PREX1: variants seen among roughly 807,000 people sequenced by gnomAD.
PREX1 encodes the protein phosphatidylinositol 3,4,5-trisphosphate-dependent Rac exchanger 1 protein.
A neutral mutation model predicts 198.3 loss-of-function variants in PREX1; 41 were observed. That is an observed-to-expected ratio of 0.21 (90% CI 0.16 to 0.27). The LOEUF (loss-of-function observed/expected upper bound fraction) is 0.27. Ranked by LOEUF, PREX1 falls within the 10% of genes least tolerant of loss-of-function variation. PREX1 has a pLI of 1.00. For synonymous variants in PREX1, 843 were observed against 887.2 expected (o/e 0.95, Z 0.89); for missense variants, 1,620 against 2,200.7 (o/e 0.74, Z 5.28).
At chr20:48,743,879 G>A (rs1601108992) in intron 3 of PREX1, among the ~76,000 whole-genome samples, 1 of 152,150 alleles carries the variant, frequency 6.6e-6, no homozygotes, top group Admixed American at 6.5e-5. Flanking sequence ...TAGTCTGCAC[G>A]CCTGATCGCA....
At chr20:48,644,145 T>C (rs1278847035) in intron 27 of PREX1, among the ~76,000 whole-genome samples, 1 of 152,194 alleles carries the variant, frequency 6.6e-6, no homozygotes, top group Non-Finnish European at 1.5e-5. Flanking sequence ...ATTTGCTCCA[T>C]CTCCATGACA....
At chr20:48,650,851 T>G in intron 23 of PREX1, 43 bp downstream of exon 23, 1 of 1,605,962 alleles carries the variant, frequency 6.2e-7, no homozygotes, top group Non-Finnish European at 8.5e-7. Flanking sequence ...AGATGCTATG[T>G]CTGGGACCTG....
intron 1 of PREX1, among the ~76,000 whole-genome samples, chr20:48,814,954 T>A (rs2090453327): frequency 6.6e-6 from 1 of 151,238 alleles, no homozygotes. Context: ...ACGAAAAAAA[T>A]GGAAAACAGT....
chr20:48,803,899 C>CT, intron 1 of PREX1, among the ~76,000 whole-genome samples: 1 of 152,274 alleles, frequency 6.6e-6, no homozygotes, highest in East Asian at 1.9e-4. Flanking sequence ...CCCAGAAAGT[C>CT]TTTTTTTGTT....
At chr20:48,777,628 T>A (rs995757700) in intron 1 of PREX1, among the ~76,000 whole-genome samples, 4 of 152,170 alleles carry the variant, frequency 2.6e-5, no homozygotes, top group African/African-American at 9.7e-5. Flanking sequence ...CATAATGGAC[T>A]CTGATATAAA....
chr20:48,746,689 G>A (rs1242611298), intron 2 of PREX1, among the ~76,000 whole-genome samples: 5 of 152,014 alleles, frequency 3.3e-5, no homozygotes, highest in South Asian at 2.1e-4. Context: ...TGGTGCATTC[G>A]TACGTAGACA....
At chr20:48,852,073 A>G in the PREX1 span, among the ~76,000 whole-genome samples, 1 of 151,940 alleles carries the variant, frequency 6.6e-6, no homozygotes, top group Non-Finnish European at 1.5e-5. Context: ...TTAGATGTCA[A>G]TGGAAACCTA....
intron 10 of PREX1, among the ~76,000 whole-genome samples, chr20:48,686,250 C>T (rs574436721): frequency 6.6e-5 from 10 of 152,058 alleles, no homozygotes; most frequent in Non-Finnish European, 7.4e-5. Flanking sequence ...GGACCAGGGA[C>T]GCATCTTGGA....
At chr20:48,715,597 C>T (rs971006098) in intron 5 of PREX1, among the ~76,000 whole-genome samples, 1 of 152,172 alleles carries the variant, frequency 6.6e-6, no homozygotes, top group East Asian at 1.9e-4. Context: ...GGCTAAGACT[C>T]ACCCCCTAAG....
At chr20:48,635,979 T>C (rs2089359755) in intron 32 of PREX1, among the ~76,000 whole-genome samples, 1 of 152,076 alleles carries the variant, frequency 6.6e-6, no homozygotes, top group Non-Finnish European at 1.5e-5. Flanking sequence ...CAGAGGGCGC[T>C]CCAAGGCCAG....
At chr20:48,799,788 C>A (rs6019426) in intron 1 of PREX1, among the ~76,000 whole-genome samples, 2,602 of 152,270 alleles carry the variant, frequency 0.017, 70 homozygotes, top group African/African-American at 0.059. Flanking sequence ...AGAAAGTACC[C>A]GTGTTCTCCT....
the PREX1 span, among the ~76,000 whole-genome samples, chr20:48,835,341 G>A: frequency 6.6e-6 from 1 of 152,210 alleles, no homozygotes; most frequent in Non-Finnish European, 1.5e-5. Context: ...AGTGAATAAA[G>A]CAAAACTCTG....
chr20:48,808,903 C>T (rs1568871908), intron 1 of PREX1, among the ~76,000 whole-genome samples: 1 of 152,172 alleles, frequency 6.6e-6, no homozygotes, highest in Non-Finnish European at 1.5e-5. Context: ...GATGTTACAC[C>T]CCTAGAAGGG....
At chr20:48,836,471 A>G in the PREX1 span, among the ~76,000 whole-genome samples, 2 of 152,188 alleles carry the variant, frequency 1.3e-5, no homozygotes, top group Non-Finnish European at 2.9e-5. Flanking sequence ...CTTTAAGACT[A>G]GACATAGCAA....
intron 1 of PREX1, among the ~76,000 whole-genome samples, chr20:48,756,453 G>A (rs2090156241): frequency 6.7e-6 from 1 of 148,284 alleles, no homozygotes; most frequent in East Asian, 2.0e-4. Context: ...ACTCTGAGAG[G>A]ACTGGGAAGA....
chr20:48,776,492 AT>A (rs1311415102), intron 1 of PREX1, among the ~76,000 whole-genome samples: 1 of 152,244 alleles, frequency 6.6e-6, no homozygotes, highest in Non-Finnish European at 1.5e-5. Flanking sequence ...GAAGCCAGGC[AT>A]CACTTCAGAG....
rs1489171698 is a variant in PREX1 at position 48,651,044 on chromosome 20, G to A, written c.2667C>T (p.Ala889=). The A allele has an allele frequency of 2.5e-6, 4 of 1,614,034 alleles. No individual in the cohort carries two copies. The highest frequency in any genetic ancestry group is 2.2e-5 in the East Asian group (1 of 44,886). ...CGAAGACGCTGTCATTGGCAGCAAA[G>A]GCCTCGAGGATCTGCAGAAATGTCA... ...CFGLTAKILE[A]FAANDSVFVE... Residue 889 remains alanine, a synonymous_variant, in exon 23 of 40, where the codon GCC becomes GCT. Transcript: ENST00000371941.
chr20:48,704,572 TTTTTTTGATGGAGTCTAGCTC>T lies in PREX1; in HGVS notation c.783+3667_783+3687del, dbSNP rs1383365303. On this transcript the variant is annotated intron_variant, in intron 6 of 39. Coordinates refer to ENST00000371941, the MANE Select transcript of PREX1 (RefSeq NM_020820.4). ...TCCTTCCTTCCTCCCTCCCTCTCTT[TTTTTTTGATGGAGTCTAGCTC>T]TGTCGACCAGGCTGGAGTGCAGTGG... Among the ~76,000 whole-genome samples the T allele has an allele frequency of 3.3e-3, 505 of 151,944 alleles. 1 individual carries two copies. The highest frequency in any genetic ancestry group is 0.011 in the African/African-American group (442 of 41,454).
chr20:48,820,270 G>A (rs1247703369), intron 1 of PREX1, among the ~76,000 whole-genome samples: 3 of 152,242 alleles, frequency 2.0e-5, no homozygotes, highest in African/African-American at 7.2e-5. Flanking sequence ...CCTCCGGGAG[G>A]AGGGGTGAGC....
Sources: gnomAD v4.1 joint callset for allele counts (sites outside exome capture counted in the v4.1 genomes callset) on GRCh38, gnomAD v4.1.1 for gene constraint, MANE v1.5 for transcripts, NCBI Gene and HGNC (gene_info 2026-07-23, HGNC 2026-07-21) for gene names.